PIBF1: variants seen among roughly 807,000 people sequenced by gnomAD.
PIBF1 encodes progesterone-induced-blocking factor 1.
Under a neutral mutation model 112.5 loss-of-function variants are expected in PIBF1, and 90 were observed. That is an observed-to-expected ratio of 0.80 (90% CI 0.67 to 0.95). PIBF1 has a LOEUF of 0.95. Among genes scored for constraint, PIBF1 ranks in the 40% least tolerant of loss-of-function variants. The pLI is 0.00. For missense variants in PIBF1, 915 were observed against 852.3 expected (o/e 1.07, Z -0.92); for synonymous variants, 301 against 288.6 (o/e 1.04, Z -0.44).
intron 10 of PIBF1, among the ~76,000 whole-genome samples, chr13:72,885,912 TGCTGTATTCAGGA>T (rs2039831760): frequency 6.6e-6 from 1 of 152,184 alleles, no homozygotes; most frequent in African/African-American, 2.4e-5. Flanking sequence ...TGACTCTGGT[TGCTGTATTCAGGA>T]GTTTTTTGGA....
chr13:72,906,752 A>G (rs991948688), intron 11 of PIBF1, among the ~76,000 whole-genome samples: 9 of 152,138 alleles, frequency 5.9e-5, no homozygotes, highest in Non-Finnish European at 8.8e-5. Flanking sequence ...CCCATCTTCA[A>G]CATTTTGATT....
At chr13:72,908,139 T>C (rs1262153451) in intron 11 of PIBF1, among the ~76,000 whole-genome samples, 3 of 152,180 alleles carry the variant, frequency 2.0e-5, no homozygotes, top group African/African-American at 7.2e-5. Context: ...TTATTGTCAG[T>C]ATATCGTTTT....
chr13:72,814,942 G>A (rs2036196835), intron 5 of PIBF1, among the ~76,000 whole-genome samples: 1 of 152,136 alleles, frequency 6.6e-6, no homozygotes, highest in African/African-American at 2.4e-5. Flanking sequence ...GTGAGAACTT[G>A]ATTTAGAACA....
At chr13:72,891,272 G>T (rs145825766) in intron 10 of PIBF1, among the ~76,000 whole-genome samples, 158 of 152,150 alleles carry the variant, frequency 1.0e-3, no homozygotes, top group African/African-American at 3.7e-3. Context: ...GGCAAAATTT[G>T]CAGTTTAATC....
chr13:72,869,820 C>CATAT (rs1181953412), intron 10 of PIBF1, among the ~76,000 whole-genome samples: 1 of 150,928 alleles, frequency 6.6e-6, no homozygotes, highest in Non-Finnish European at 1.5e-5. Context: ...CACACACACA[C>CATAT]ATATATATAT....
intron 17 of PIBF1, among the ~76,000 whole-genome samples, chr13:73,013,748 A>AG (rs1363173122): frequency 2.9e-5 from 4 of 136,576 alleles, no homozygotes; most frequent in East Asian, 2.1e-4. Context: ...AAAAAAAAAA[A>AG]AAAAAGAAAA....
chr13:72,792,341 C>T lies in PIBF1; in HGVS notation c.253-106C>T, dbSNP rs2034976098. On this transcript the variant is annotated intron_variant, in intron 2 of 17. Transcript: ENST00000326291. ...AGCCCCTGTGCCTGGTCCCTCTATC[C>T]ATTTTTAGCCTGTTTCTTTCAAGTG... The T allele has an allele frequency of 7.1e-6, 5 of 702,068 alleles. No individual in the cohort carries two copies. The East Asian group carries it at 1.5e-4, about 21-fold the overall frequency. 43.5% of individuals were successfully genotyped at this position (702,068 alleles called of 1,614,324 possible). A position where few individuals can be genotyped will look rare whatever the true frequency, so the allele number is the denominator to read the frequency against.
intron 3 of PIBF1, 104 bp downstream of exon 3, chr13:72,792,651 T>C: frequency 5.0e-6 from 3 of 602,678 alleles, no homozygotes; most frequent in Non-Finnish European, 8.5e-6. Context: ...TAGAGAAATT[T>C]TAAGTCAGAG....
chr13:73,011,960 A>G (rs2044217016), intron 17 of PIBF1, among the ~76,000 whole-genome samples: 1 of 152,196 alleles, frequency 6.6e-6, no homozygotes, highest in Non-Finnish European at 1.5e-5. Flanking sequence ...GACAGCTTGC[A>G]AGAACAGATG....
At chr13:72,921,210 C>G (rs2041277409) in intron 13 of PIBF1, among the ~76,000 whole-genome samples, 1 of 152,088 alleles carries the variant, frequency 6.6e-6, no homozygotes, top group African/African-American at 2.4e-5. Flanking sequence ...TCAAGCAATT[C>G]TCCTGCCTCA....
intron 5 of PIBF1, among the ~76,000 whole-genome samples, chr13:72,814,034 G>A (rs574183621): frequency 1.3e-5 from 2 of 152,320 alleles, no homozygotes; most frequent in Admixed American, 1.3e-4. Context: ...TCCACTAGGT[G>A]AGGGAATCGA....
At chr13:72,820,924 A>G (rs1294510459) in intron 5 of PIBF1, among the ~76,000 whole-genome samples, 1 of 152,204 alleles carries the variant, frequency 6.6e-6, no homozygotes, top group African/African-American at 2.4e-5. Flanking sequence ...TTCTTATTAT[A>G]TACCTGGCAG....
intron 5 of PIBF1, among the ~76,000 whole-genome samples, chr13:72,808,160 T>C (rs931516935): frequency 4.6e-5 from 7 of 151,780 alleles, no homozygotes; most frequent in South Asian, 2.1e-4. Flanking sequence ...GTTTTTTCTC[T>C]TGAGTAAGTA....
At chr13:72,860,816 T>C (rs771078621) in intron 10 of PIBF1, among the ~76,000 whole-genome samples, 2 of 152,212 alleles carry the variant, frequency 1.3e-5, no homozygotes, top group Non-Finnish European at 2.9e-5. Flanking sequence ...AGGAAAGGAC[T>C]TTTCTCAGGC....
intron 15 of PIBF1, chr13:72,969,746 T>A (rs905660920): frequency 1.3e-5 from 2 of 152,190 alleles, no homozygotes; most frequent in African/African-American, 4.8e-5. Context: ...CTGGTTTCTC[T>A]CCTTATGGTA....
At chr13:72,923,808 G>T (rs2138725201) in intron 13 of PIBF1, among the ~76,000 whole-genome samples, 2 of 152,142 alleles carry the variant, frequency 1.3e-5, no homozygotes, top group African/African-American at 4.8e-5. Context: ...CTACTAAAAA[G>T]ACAAAAATTA....
rs961939682 is a variant in PIBF1 at position 72,794,172 on chromosome 13, A to G, written c.354-1187A>G. On this transcript the variant is annotated intron_variant, in intron 3 of 17. Coordinates refer to ENST00000326291, the MANE Select transcript of PIBF1 (RefSeq NM_006346.4). ...AAGAAAGTGACTTGTGTCAAGCTCT[A>G]TCATTAGATCATGGAGGAAAAGAAC... Among the ~76,000 whole-genome samples, 9 of 152,364 alleles carry G rather than the reference A, an allele frequency of 5.9e-5. No homozygotes were observed. In the South Asian group the frequency reaches 1.0e-3, roughly 18 times the overall value.
chr13:72,931,938 C>CTTTTT (rs59274277), intron 14 of PIBF1, among the ~76,000 whole-genome samples: 29 of 100,802 alleles, frequency 2.9e-4, no homozygotes, highest in Non-Finnish European at 4.0e-4. Context: ...TTGTTTCTTT[C>CTTTTT]TTTTTTTTTT....
intron 14 of PIBF1, among the ~76,000 whole-genome samples, chr13:72,956,876 A>G (rs1289312567): frequency 6.6e-6 from 1 of 152,252 alleles, no homozygotes; most frequent in African/African-American, 2.4e-5. Context: ...ACAGTTCTCA[A>G]AAGAAGATAT....
Sources: allele counts gnomAD v4.1 joint callset (sites outside exome capture counted in the v4.1 genomes callset), GRCh38; gene constraint gnomAD v4.1.1; transcripts MANE v1.5; gene names NCBI Gene and HGNC (gene_info 2026-07-23, HGNC 2026-07-21).